Variants in PRKD1 observed in about 807,000 individuals in gnomAD.
PRKD1 encodes protein kinase D1.
In PRKD1, 63 loss-of-function variants were observed where a neutral mutation model predicts 95.9. The observed-to-expected ratio is 0.66, with a 90% CI of 0.54 to 0.81. The LOEUF (loss-of-function observed/expected upper bound fraction) is 0.81. Among genes scored for constraint, PRKD1 ranks in the 30% least tolerant of loss-of-function variants. PRKD1 has a pLI of 0.00. For missense variants in PRKD1, 1,048 were observed against 1,165.3 expected (o/e 0.90, Z 1.47); for synonymous variants, 425 against 423.1 (o/e 1.00, Z -0.05).
chr14:29,698,845 T>C (rs1884673994), intron 2 of PRKD1, among the ~76,000 whole-genome samples: 1 of 152,074 alleles, frequency 6.6e-6, no homozygotes, highest in African/African-American at 2.4e-5. Flanking sequence ...ACTAACCTCA[T>C]GAAGTAAAAG....
Position 29,927,248 on chromosome 14 carries a change from CCTT to C in PRKD1, c.262_264del (p.Lys88del). 6.7e-7 allele frequency: 1 copy of C among 1,499,594 alleles called. No homozygotes were observed. The highest frequency in any genetic ancestry group is 8.9e-7 in the Non-Finnish European group (1 of 1,124,660). The allele number at this position is 1,499,594 out of a possible 1,614,324, so 92.9% of individuals were successfully genotyped here. A position where few individuals can be genotyped will look rare whatever the true frequency, so the allele number is the denominator to read the frequency against. On this transcript the variant is annotated inframe_deletion and splice_region_variant, in exon 1 of 18. Coordinates refer to ENST00000331968, the MANE Select transcript of PRKD1 (RefSeq NM_002742.3). ...GGGCTGGCAGCGGTGCGGCGACTTA[CCTT>C]CTGGTCGACAATGGAGCAAGCCATC...
Position 29,636,459 on chromosome 14 carries a change from T to C in PRKD1, c.1021A>G (p.Met341Val), listed in dbSNP as rs45460991. 3.1e-6 allele frequency: 5 copies of C among 1,614,020 alleles called. No homozygotes were observed. The highest frequency in any genetic ancestry group is 4.2e-6 in the Non-Finnish European group (5 of 1,180,028). ...LSPGAESDVV[M>V]EEGSDDNDSE... ...TCATTGTCATCACTCCCTTCTTCCA[T>C]GACCACATCAGACTCTGCCCCAGGG... Residue 341 changes from methionine (M) to valine (V), a missense_variant, in exon 7 of 18, where the codon ATG becomes GTG. This residue lies in a region of PRKD1 where 739 missense variants were observed against 861.9 expected (regional missense o/e 0.86). Transcript: ENST00000331968.
intron 1 of PRKD1, among the ~76,000 whole-genome samples, chr14:29,790,987 A>T (rs1331325616): frequency 1.3e-5 from 2 of 152,202 alleles, no homozygotes; most frequent in Non-Finnish European, 2.9e-5. Flanking sequence ...TAGCCTTACC[A>T]GTCACTTATA....
chr14:29,586,859 A>C (rs906553762), intron 16 of PRKD1, among the ~76,000 whole-genome samples: 1 of 152,086 alleles, frequency 6.6e-6, no homozygotes, highest in Non-Finnish European at 1.5e-5. Flanking sequence ...TCCCTACCTC[A>C]CATGATCTGC....
chr14:29,826,778 T>C lies in PRKD1; in HGVS notation c.264+100471A>G, dbSNP rs74194922. 4.5e-4 allele frequency among the ~76,000 whole-genome samples: 18 copies of C among 40,126 alleles called. 1 individual carries two copies. Among genetic ancestry groups the C allele is most frequent in the African/African-American group, 1.7e-3 (18 of 10,782 alleles). The allele number at this position is 40,126 out of a possible 152,430, so 26.3% of individuals were successfully genotyped here. A position where few individuals can be genotyped will look rare whatever the true frequency, so the allele number is the denominator to read the frequency against. ...ATATACATATATATATACACATATA[T>C]ATACATATATACACATATATATACA... On this transcript the variant is annotated intron_variant, in intron 1 of 17. Coordinates refer to ENST00000331968, the MANE Select transcript of PRKD1 (RefSeq NM_002742.3).
intron 16 of PRKD1, among the ~76,000 whole-genome samples, chr14:29,587,681 C>T (rs1348187772): frequency 6.6e-6 from 1 of 152,104 alleles, no homozygotes; most frequent in African/African-American, 2.4e-5. Flanking sequence ...ACATGCTTTG[C>T]AGATACTACC....
chr14:29,797,504 T>G (rs895841467), intron 1 of PRKD1, among the ~76,000 whole-genome samples: 6 of 152,236 alleles, frequency 3.9e-5, no homozygotes, highest in Admixed American at 1.3e-4. Context: ...CATCTGATCC[T>G]GCTCTAACCA....
At chr14:29,804,982 T>C (rs1169323010) in intron 1 of PRKD1, among the ~76,000 whole-genome samples, 2 of 152,192 alleles carry the variant, frequency 1.3e-5, no homozygotes, top group Non-Finnish European at 2.9e-5. Flanking sequence ...TAAAATGGAA[T>C]TCAGGTTGGT....
intron 16 of PRKD1, among the ~76,000 whole-genome samples, chr14:29,583,695 T>C (rs897628937): frequency 5.3e-5 from 8 of 152,136 alleles, no homozygotes; most frequent in African/African-American, 1.7e-4. Context: ...TTTTTTTCTC[T>C]TCTTATGGAA....
At chr14:29,633,936 C>T (rs895144770) in intron 8 of PRKD1, among the ~76,000 whole-genome samples, 3 of 152,212 alleles carry the variant, frequency 2.0e-5, no homozygotes, top group South Asian at 2.1e-4. Flanking sequence ...TACGTACGTA[C>T]ACAACCTCAT....
intron 1 of PRKD1, among the ~76,000 whole-genome samples, chr14:29,890,844 A>C (rs185309907): frequency 2.0e-5 from 3 of 152,188 alleles, no homozygotes; most frequent in Non-Finnish European, 4.4e-5. Context: ...TTATATGTTG[A>C]TATGCTGTTA....
At chr14:29,634,951 T>G (rs1040250921) in intron 7 of PRKD1, among the ~76,000 whole-genome samples, 1 of 151,968 alleles carries the variant, frequency 6.6e-6, no homozygotes, top group African/African-American at 2.4e-5. Flanking sequence ...AGAGAATTGC[T>G]TGAACTCGGG....
At chr14:29,895,908 C>T (rs1260184566) in intron 1 of PRKD1, among the ~76,000 whole-genome samples, 1 of 152,180 alleles carries the variant, frequency 6.6e-6, no homozygotes, top group Non-Finnish European at 1.5e-5. Flanking sequence ...CTTAACCATA[C>T]TTTTTACTTT....
Position 29,629,028 on chromosome 14 carries a change from G to A in PRKD1, c.1725+13C>T, listed in dbSNP as rs1359970386. On this transcript the variant is annotated intron_variant, in intron 11 of 17. Transcript: ENST00000331968. ...CACATTAGCAAGTTTTATATTAGTAGGTACATACTTACCACATTTTCTTGA... is the reference window on the plus strand; with the variant it reads ...CACATTAGCAAGTTTTATATTAGTAAGTACATACTTACCACATTTTCTTGA... The A allele has an allele frequency of 6.4e-7, 1 of 1,568,876 alleles. No homozygotes were observed. The highest frequency in any genetic ancestry group is 1.4e-5 in the African/African-American group (1 of 73,276).
chr14:29,838,137 T>G (rs1479631160), intron 1 of PRKD1, among the ~76,000 whole-genome samples: 2 of 152,214 alleles, frequency 1.3e-5, no homozygotes, highest in Non-Finnish European at 2.9e-5. Flanking sequence ...GAAGTTTTCC[T>G]GATTTTTATA....
chr14:29,820,114 C>T (rs1890853763), intron 1 of PRKD1, among the ~76,000 whole-genome samples: 1 of 152,162 alleles, frequency 6.6e-6, no homozygotes, highest in Non-Finnish European at 1.5e-5. Flanking sequence ...GCCCTAAACA[C>T]AATGGATACA....
Position 29,722,803 on chromosome 14 carries a change from G to A in PRKD1, c.403+2733C>T, listed in dbSNP as rs867262283. Among the ~76,000 whole-genome samples the A allele has an allele frequency of 2.5e-4, 38 of 152,140 alleles. 1 individual carries two copies. Among genetic ancestry groups the A allele is most frequent in the Admixed American group, 3.9e-4 (6 of 15,262 alleles). ...CTAACAGGTATTGCAGGCCCTGCCC[G>A]GGTATACAAAGTCATTGAAACTCCA... On this transcript the variant is annotated intron_variant, in intron 2 of 17. Transcript: ENST00000331968.
chr14:29,911,810 A>G (rs545305737), intron 1 of PRKD1, among the ~76,000 whole-genome samples: 3 of 152,320 alleles, frequency 2.0e-5, no homozygotes, highest in African/African-American at 7.2e-5. Context: ...GGCAAAAGTC[A>G]AAATGTGGTT....
At chr14:29,767,768 C>T (rs1033663581) in intron 1 of PRKD1, among the ~76,000 whole-genome samples, 10 of 152,202 alleles carry the variant, frequency 6.6e-5, no homozygotes, top group African/African-American at 1.2e-4. Flanking sequence ...GAATCTCTCT[C>T]TCAGGCACAA....
Sources: gnomAD v4.1 joint callset for allele counts (sites outside exome capture counted in the v4.1 genomes callset) on GRCh38, gnomAD v4.1.1 for gene constraint, gnomAD v4.1.1 regional missense constraint, MANE v1.5 for transcripts, NCBI Gene and HGNC (gene_info 2026-07-23, HGNC 2026-07-21) for gene names.